Variants in GCNT4 observed in about 807,000 individuals in gnomAD.
GCNT4 encodes the protein glucosaminyl (N-acetyl) transferase 4, also known as beta-1,3-galactosyl-O-glycosyl-glycoprotein beta-1,6-N-acetylglucosaminyltransferase 4.
A neutral mutation model predicts 31.3 loss-of-function variants in GCNT4; 17 were observed. The observed-to-expected ratio is 0.54, with a 90% CI of 0.37 to 0.81. The LOEUF (loss-of-function observed/expected upper bound fraction) is 0.81, where lower values mean the gene tolerates loss of function less well. GCNT4 is among the 40% of genes least tolerant of loss of function. GCNT4 has a pLI of 0.00. For synonymous variants in GCNT4, 158 were observed against 190.6 expected (o/e 0.83, Z 1.41); for missense variants, 503 against 525.5 (o/e 0.96, Z 0.42).
chr5:75,034,651 G>C (rs1326514868), intron 3 of GCNT4, among the ~76,000 whole-genome samples: 2 of 152,216 alleles, frequency 1.3e-5, no homozygotes, highest in Admixed American at 6.5e-5. Flanking sequence ...AAGGAGGTCT[G>C]ACCTGTTGTG....
At chr5:75,042,573 T>C (rs1298511198) in intron 3 of GCNT4, among the ~76,000 whole-genome samples, 2 of 152,226 alleles carry the variant, frequency 1.3e-5, no homozygotes, top group Non-Finnish European at 2.9e-5. Context: ...TAAACAGACA[T>C]GAATCAAGGG....
intron 3 of GCNT4, among the ~76,000 whole-genome samples, chr5:75,039,838 C>A (rs1435168701): frequency 2.0e-5 from 3 of 152,146 alleles, no homozygotes; most frequent in Non-Finnish European, 2.9e-5. Context: ...TTTAAACATA[C>A]AAATCAGATC....
intron 3 of GCNT4, among the ~76,000 whole-genome samples, chr5:75,045,055 G>A (rs1359187753): frequency 6.6e-6 from 1 of 151,970 alleles, no homozygotes; most frequent in Non-Finnish European, 1.5e-5. Context: ...TCACTTCTTT[G>A]TTATAAAAAT....
Position 75,028,954 on chromosome 5 carries a change from G to T in GCNT4, c.1084C>A (p.Leu362Met), listed in dbSNP as rs771746061. The T allele has an allele frequency of 1.2e-6, 2 of 1,613,976 alleles. No individual in the cohort carries two copies. The highest frequency in any genetic ancestry group is 1.7e-6 in the Non-Finnish European group (2 of 1,180,014). The change falls in exon 4 of 4, where the codon CTG (leucine) becomes ATG (methionine). Residue 362 changes from leucine (L) to methionine (M), a missense_variant. Leu to Met is a conservative substitution (Grantham distance 15, BLOSUM62 2). Transcript: ENST00000652361. ...TTGACAAGGCGAGTCTTACTCTGCA[G>T]ATCAGACACATCCTGGGCTGATCTG... ...ISRSAQDVSD[L>M]QSKTRLVKWN... is the part of the protein sequence containing the mutation.
chr5:75,018,497 G>T, the GCNT4 span, among the ~76,000 whole-genome samples: 2 of 152,068 alleles, frequency 1.3e-5, no homozygotes, highest in Admixed American at 6.6e-5. Context: ...GGTCAGGCTG[G>T]TCTCAAACTC....
chr5:75,030,098 T>C, intron 3 of GCNT4, 60 bp from the exon 4 acceptor site: 1 of 1,494,536 alleles, frequency 6.7e-7, no homozygotes, highest in Non-Finnish European at 9.0e-7. Context: ...GGTCAGTTTA[T>C]CCAAAATCTA....
intron 3 of GCNT4, among the ~76,000 whole-genome samples, chr5:75,032,872 G>GGTGGGTGGGTGTGTGTGTGTGT (rs55942109): frequency 1.5e-5 from 2 of 130,646 alleles, no homozygotes; most frequent in Non-Finnish European, 3.4e-5. Context: ...CCCAAATAGG[G>GGTGGGTGGGTGTGTGTGTGTGT]GTGTGTGTGT....
Position 75,029,755 on chromosome 5 carries a change from T to C in GCNT4, c.283A>G (p.Ile95Val). The C allele has an allele frequency of 6.2e-7, 1 of 1,614,178 alleles. No individual in the cohort carries two copies. Among genetic ancestry groups the C allele is most frequent in the Non-Finnish European group, 8.5e-7 (1 of 1,180,026 alleles). The change falls in exon 4 of 4, where the codon ATC (isoleucine) becomes GTC (valine). Residue 95 changes from isoleucine to valine, a missense_variant. Ile to Val is a conservative substitution (Grantham distance 29). Transcript: ENST00000652361. Reference sequence around the variant, plus strand: ...ACATCATCATCCTCCAAGTCAATGATGTCCCTTCTTCTTATTTCCAGACTC... The same window carrying C: ...ACATCATCATCCTCCAAGTCAATGACGTCCCTTCTTCTTATTTCCAGACTC... The part of the protein sequence containing the change: ...GKSLEIRRRD[I>V]IDLEDDDVVA...
chr5:75,036,117 C>T (rs1305150462), intron 3 of GCNT4, among the ~76,000 whole-genome samples: 1 of 151,648 alleles, frequency 6.6e-6, no homozygotes, highest in Non-Finnish European at 1.5e-5. Flanking sequence ...GTAGGATTTG[C>T]ATTCTGCAAA....
At position 75,029,334 on chromosome 5, in the gene GCNT4, G is replaced by T; in HGVS notation, c.704C>A (p.Ser235Ter). Residue 235 changes from serine to a stop codon, truncating the protein, a stop_gained, in exon 4 of 4, where the codon TCA (serine) becomes TAA (stop). Coordinates refer to ENST00000652361, the MANE Select transcript of GCNT4 (RefSeq NM_001366737.1). LOFTEE classifies it high-confidence loss of function. Reference sequence around the variant, plus strand: ...CAACTCTGACACCAATTCAAAATTTGACTTCAGGGGAAAATCTTGCCCACA... The same window carrying T: ...CAACTCTGACACCAATTCAAAATTTTACTTCAGGGGAAAATCTTGCCCACA... ...NLCGQDFPLKSNFELVSELKK... is the reference protein window; with the variant it reads ...NLCGQDFPLK 4 of 1,614,086 alleles carry T rather than the reference G, an allele frequency of 2.5e-6. No individual in the cohort carries two copies. The South Asian group carries it at 3.3e-5, about 13-fold the overall frequency.
At chr5:75,044,254 T>C (rs1030416719) in intron 3 of GCNT4, among the ~76,000 whole-genome samples, 2 of 152,084 alleles carry the variant, frequency 1.3e-5, no homozygotes, top group African/African-American at 4.8e-5. Context: ...TGTTGAATAG[T>C]TCTGAGCCAC....
upstream of GCNT4, chr5:75,052,620 G>A (rs111794546): frequency 6.6e-6 from 1 of 152,134 alleles, no homozygotes; most frequent in Admixed American, 6.5e-5. Context: ...GGCGCGGCCT[G>A]GGAGGCGCGG....
At chr5:75,053,989 G>A (rs1037296657), upstream of GCNT4, among the ~76,000 whole-genome samples, 1 of 152,118 alleles carries the variant, frequency 6.6e-6, no homozygotes, top group Non-Finnish European at 1.5e-5. Context: ...CGGGCTCTGC[G>A]GAGGCTCAGG....
intron 3 of GCNT4, 172 bp from the exon 4 acceptor site, chr5:75,030,210 G>T: frequency 1.6e-6 from 1 of 632,862 alleles, no homozygotes; most frequent in Non-Finnish European, 2.7e-6. Flanking sequence ...GAATTATGAA[G>T]AATGGTGGTA....
At chr5:75,044,591 G>C (rs192407531) in intron 3 of GCNT4, among the ~76,000 whole-genome samples, 1 of 152,028 alleles carries the variant, frequency 6.6e-6, no homozygotes, top group Non-Finnish European at 1.5e-5. Flanking sequence ...GATGGTAAGG[G>C]ATCAAAAGCA....
At chr5:75,034,890 A>C (rs538536417) in intron 3 of GCNT4, among the ~76,000 whole-genome samples, 1 of 152,402 alleles carries the variant, frequency 6.6e-6, no homozygotes, top group African/African-American at 2.4e-5. Context: ...CAGCAAGAAC[A>C]CAGAGGTGCA....
chr5:75,022,355 A>G (rs1343814814), downstream of GCNT4, among the ~76,000 whole-genome samples: 1 of 152,180 alleles, frequency 6.6e-6, no homozygotes, highest in African/African-American at 2.4e-5. Flanking sequence ...CAGCATATAA[A>G]ATATTTCTGA....
At chr5:75,030,973 T>C (rs1743048445) in intron 3 of GCNT4, 1 of 166,630 alleles carries the variant, frequency 6.0e-6, no homozygotes, top group Non-Finnish European at 1.5e-5. Flanking sequence ...TGGGGAACAA[T>C]CTCTAAGATA....
At chr5:75,044,037 G>C (rs753800575) in intron 3 of GCNT4, among the ~76,000 whole-genome samples, 1 of 152,102 alleles carries the variant, frequency 6.6e-6, no homozygotes, top group Admixed American at 6.5e-5. Flanking sequence ...TGCTCGCCAC[G>C]CCTCAGTTAA....
Sources: allele counts gnomAD v4.1 joint callset (sites outside exome capture counted in the v4.1 genomes callset), GRCh38; gene constraint gnomAD v4.1.1; transcripts MANE v1.5; gene names NCBI Gene and HGNC (gene_info 2026-07-23, HGNC 2026-07-21).